BLTP3B: variants seen among roughly 807,000 people sequenced by gnomAD.
BLTP3B encodes the protein UHRF1 (ICBP90) binding protein 1-like.
chr12:100,125,942 A>G, the BLTP3B span, among the ~76,000 whole-genome samples: 2 of 152,304 alleles, frequency 1.3e-5, no homozygotes, highest in East Asian at 3.9e-4. Context: ...TGGAATCACA[A>G]GGAAAAGGGT....
the BLTP3B span, among the ~76,000 whole-genome samples, chr12:100,141,395 GTA>G: frequency 6.1e-5 from 9 of 147,338 alleles, no homozygotes; most frequent in African/African-American, 2.0e-4. Flanking sequence ...ATATGTATGT[GTA>G]TATATGTGTA....
chr12:100,053,785 T>A, the BLTP3B span, among the ~76,000 whole-genome samples: 16 of 152,154 alleles, frequency 1.1e-4, no homozygotes, highest in Admixed American at 8.5e-4. Flanking sequence ...GGGATTTCCA[T>A]ATTATCTGGT....
At chr12:100,079,172 C>T in the BLTP3B span, among the ~76,000 whole-genome samples, 1 of 152,142 alleles carries the variant, frequency 6.6e-6, no homozygotes, top group African/African-American at 2.4e-5. Context: ...TAGAGTGGGG[C>T]ACTGCTGAAA....
chr12:100,136,502 C>T, the BLTP3B span, among the ~76,000 whole-genome samples: 1 of 152,184 alleles, frequency 6.6e-6, no homozygotes, highest in Non-Finnish European at 1.5e-5. Flanking sequence ...CTCTAATGCC[C>T]ACTATGTGGC....
the BLTP3B span, chr12:100,048,281 C>G: frequency 2.2e-6 from 3 of 1,386,262 alleles, no homozygotes; most frequent in East Asian, 7.1e-5. Flanking sequence ...TAAAATAATA[C>G]TAGTTTTACT....
chr12:100,048,061 A>C, the BLTP3B span: 1 of 1,613,184 alleles, frequency 6.2e-7, no homozygotes, highest in Non-Finnish European at 8.5e-7. Flanking sequence ...CTCAGTGCTG[A>C]AGTTTTCTAT....
At chr12:100,075,412 TC>T in the BLTP3B span, among the ~76,000 whole-genome samples, 1 of 152,162 alleles carries the variant, frequency 6.6e-6, no homozygotes, top group Admixed American at 6.6e-5. Flanking sequence ...GAAATACCAT[TC>T]TGGACATAGG....
the BLTP3B span, among the ~76,000 whole-genome samples, chr12:100,106,035 T>C: frequency 1.3e-5 from 2 of 152,266 alleles, no homozygotes; most frequent in African/African-American, 2.4e-5. Flanking sequence ...GAATGGCCAT[T>C]ACTAAAAAGT....
At chr12:100,138,073 G>A in the BLTP3B span, among the ~76,000 whole-genome samples, 1 of 152,200 alleles carries the variant, frequency 6.6e-6, no homozygotes. Flanking sequence ...TGCCTCCTAT[G>A]AGACATTTGG....
the BLTP3B span, chr12:100,088,932 A>C: frequency 6.4e-7 from 1 of 1,572,422 alleles, no homozygotes; most frequent in Non-Finnish European, 8.6e-7. Context: ...TTTAGCATGA[A>C]TGTCATCACA....
At chr12:100,072,847 T>C in the BLTP3B span, 1 of 1,569,464 alleles carries the variant, frequency 6.4e-7, no homozygotes, top group Non-Finnish European at 8.6e-7. Flanking sequence ...GAAATCACAC[T>C]GAATAAAAAC....
the BLTP3B span, among the ~76,000 whole-genome samples, chr12:100,133,469 G>A: frequency 6.6e-6 from 1 of 152,152 alleles, no homozygotes; most frequent in Non-Finnish European, 1.5e-5. Context: ...GGTAAAACAA[G>A]AGTAGTGTTG....
chr12:100,053,130 C>T, the BLTP3B span, among the ~76,000 whole-genome samples: 1 of 151,876 alleles, frequency 6.6e-6, no homozygotes, highest in African/African-American at 2.4e-5. Flanking sequence ...CCTGGCCAGG[C>T]ACAGTGGCTC....
At chr12:100,070,207 A>G in the BLTP3B span, 1 of 1,550,580 alleles carries the variant, frequency 6.4e-7, no homozygotes. Flanking sequence ...CAGATAAACA[A>G]AACAAAACAA....
the BLTP3B span, chr12:100,057,663 A>G: frequency 2.2e-5 from 35 of 1,612,872 alleles, no homozygotes; most frequent in Non-Finnish European, 2.9e-5. Context: ...ATCCAATGAC[A>G]TTTGTGAAGA....
chr12:100,115,102 A>G, the BLTP3B span, among the ~76,000 whole-genome samples: 1 of 152,336 alleles, frequency 6.6e-6, no homozygotes, highest in South Asian at 2.1e-4. Context: ...ATGTTCTATT[A>G]CAGTCTTTTA....
At chr12:100,037,876 T>C in the BLTP3B span, 5 of 841,940 alleles carry the variant, frequency 5.9e-6, no homozygotes, top group African/African-American at 8.9e-5. Flanking sequence ...CTGGTGAGAG[T>C]GCACTTAAGC....
chr12:100,065,585 C>G, the BLTP3B span, among the ~76,000 whole-genome samples: 8 of 152,020 alleles, frequency 5.3e-5, no homozygotes, highest in African/African-American at 1.9e-4. Flanking sequence ...TGAAATATGC[C>G]CTGGTCTCCT....
the BLTP3B span, among the ~76,000 whole-genome samples, chr12:100,125,187 C>T: frequency 2.0e-5 from 3 of 150,128 alleles, no homozygotes; most frequent in African/African-American, 7.3e-5. Flanking sequence ...CAAAAATTAG[C>T]CAGACATGGA....
Sources: gnomAD v4.1 joint callset for allele counts (sites outside exome capture counted in the v4.1 genomes callset) on GRCh38, gnomAD v4.1.1 for gene constraint, MANE v1.5 for transcripts, NCBI Gene and HGNC (gene_info 2026-07-23, HGNC 2026-07-21) for gene names.